LRBA: variants seen among roughly 807,000 people sequenced by gnomAD.
LRBA encodes LPS responsive beige-like anchor protein.
LRBA carries 176 observed loss-of-function variants against 330.0 expected under a neutral mutation model. The ratio of observed to expected loss-of-function variants is 0.53; its 90% CI spans 0.47 to 0.60. The LOEUF (loss-of-function observed/expected upper bound fraction) is 0.60, where lower values mean the gene tolerates loss of function less well. Ranked by LOEUF, LRBA falls within the 20% of genes least tolerant of loss-of-function variation. LRBA has a pLI of 0.00. For missense variants in LRBA, 3,259 were observed against 3,444.8 expected, an observed-to-expected ratio of 0.95 and a Z score of 1.35; for synonymous variants, 1,230 against 1,193.0, an observed-to-expected ratio of 1.03 and a Z score of -0.64.
intron 34 of LRBA, among the ~76,000 whole-genome samples, chr4:150,784,440 C>A (rs566066088): frequency 6.6e-6 from 1 of 152,172 alleles, no homozygotes; most frequent in Non-Finnish European, 1.5e-5. Flanking sequence ...CCCACATGAT[C>A]CTGGCAACAC....
intron 40 of LRBA, among the ~76,000 whole-genome samples, chr4:150,551,892 C>T (rs534670944): frequency 4.3e-4 from 65 of 152,032 alleles, no homozygotes; most frequent in Non-Finnish European, 8.5e-4. Context: ...AATAGCAGTC[C>T]TCAATCATTT....
chr4:150,543,330 C>T (rs907095397), intron 40 of LRBA, among the ~76,000 whole-genome samples: 2 of 152,174 alleles, frequency 1.3e-5, no homozygotes, highest in African/African-American at 4.8e-5. Context: ...CCAGGAATAA[C>T]ATTTCACACT....
At chr4:150,757,699 G>C (rs1373604413) in intron 35 of LRBA, among the ~76,000 whole-genome samples, 2 of 151,974 alleles carry the variant, frequency 1.3e-5, no homozygotes, top group African/African-American at 2.4e-5. Flanking sequence ...TTTATAAAAG[G>C]AAAGCCAAAT....
At chr4:150,865,306 T>C (rs1752527034) in intron 22 of LRBA, among the ~76,000 whole-genome samples, 1 of 152,216 alleles carries the variant, frequency 6.6e-6, no homozygotes, top group Non-Finnish European at 1.5e-5. Flanking sequence ...GTTCCTGTAA[T>C]GAGCCAAATA....
At chr4:150,774,613 A>T (rs1737020901) in intron 34 of LRBA, among the ~76,000 whole-genome samples, 1 of 152,234 alleles carries the variant, frequency 6.6e-6, no homozygotes, top group Non-Finnish European at 1.5e-5. Flanking sequence ...TAATTGCCTC[A>T]TTGAGAAATC....
chr4:150,652,465 C>T (rs934937366), intron 37 of LRBA, among the ~76,000 whole-genome samples: 3 of 151,992 alleles, frequency 2.0e-5, no homozygotes, highest in South Asian at 4.2e-4. Context: ...GTAACATGTT[C>T]CCCCTTTCCT....
chr4:150,270,394 AG>A (rs1745916614), intron 56 of LRBA, among the ~76,000 whole-genome samples: 1 of 152,236 alleles, frequency 6.6e-6, no homozygotes, highest in Admixed American at 6.5e-5. Flanking sequence ...ACGACATGCA[AG>A]AACCTTGAAA....
chr4:150,360,917 G>A (rs1738597333), intron 47 of LRBA, among the ~76,000 whole-genome samples: 1 of 152,114 alleles, frequency 6.6e-6, no homozygotes, highest in Non-Finnish European at 1.5e-5. Context: ...AGGTAAAAGG[G>A]CTAATTCTAC....
intron 40 of LRBA, among the ~76,000 whole-genome samples, chr4:150,516,763 T>C (rs1581556810): frequency 6.6e-6 from 1 of 152,174 alleles, no homozygotes; most frequent in African/African-American, 2.4e-5. Context: ...AAAGTGTATA[T>C]TGTTGGTAGA....
At chr4:150,684,377 A>T (rs1187600749) in intron 36 of LRBA, among the ~76,000 whole-genome samples, 1 of 152,162 alleles carries the variant, frequency 6.6e-6, no homozygotes. Flanking sequence ...AGTCCTAGCA[A>T]AATGTACCAA....
chr4:150,795,510 G>A (rs949928917), intron 34 of LRBA, among the ~76,000 whole-genome samples: 3 of 151,798 alleles, frequency 2.0e-5, no homozygotes, highest in Non-Finnish European at 2.9e-5. Flanking sequence ...TATTCTACAT[G>A]GGATTCAACA....
At chr4:150,501,616 G>T (rs1760282571) in intron 40 of LRBA, among the ~76,000 whole-genome samples, 1 of 151,756 alleles carries the variant, frequency 6.6e-6, no homozygotes, top group Non-Finnish European at 1.5e-5. Context: ...AAAAAAAAAG[G>T]TATCTACAAT....
intron 40 of LRBA, among the ~76,000 whole-genome samples, chr4:150,553,488 C>T (rs72957890): frequency 0.063 from 9,541 of 152,006 alleles, 489 homozygotes; most frequent in East Asian, 0.18. Context: ...AATAACACTC[C>T]CTCACCTGGC....
At chr4:150,651,429 G>A (rs1463409125) in intron 37 of LRBA, among the ~76,000 whole-genome samples, 2 of 152,060 alleles carry the variant, frequency 1.3e-5, no homozygotes, top group South Asian at 4.2e-4. Context: ...TAATGTTGAC[G>A]GATGAAAATA....
At chr4:150,665,191 C>A (rs890664513) in intron 37 of LRBA, among the ~76,000 whole-genome samples, 2 of 152,144 alleles carry the variant, frequency 1.3e-5, no homozygotes, top group African/African-American at 4.8e-5. Context: ...GTCAAAGGAA[C>A]CTTATTTAGA....
intron 56 of LRBA, among the ~76,000 whole-genome samples, chr4:150,276,296 A>G (rs544522171): frequency 1.3e-5 from 2 of 152,350 alleles, no homozygotes; most frequent in Admixed American, 6.5e-5. Flanking sequence ...GATGGATGAA[A>G]GACTTAAACG....
rs1425787812 is a variant in LRBA, at chr4:150,868,197, C to G, written c.2558G>C (p.Ser853Thr). 1 of 1,611,634 alleles carries G rather than the reference C, an allele frequency of 6.2e-7. No individual in the cohort carries two copies. The highest frequency in any genetic ancestry group is 8.5e-7 in the Non-Finnish European group (1 of 1,178,636). ...TTCAGCTTACCTCCTGTTTTCTCTA[C>G]TGTTATTAAAAAGTTTAATCATGTC... ...LSDMIKLFNN[S>T]RENRRSLLQC... Residue 853 changes from serine (S) to threonine (T), a missense_variant, in exon 21 of 57, where the codon AGT becomes ACT. Coordinates refer to ENST00000651943, the MANE Select transcript of LRBA (RefSeq NM_001364905.1).
At chr4:150,673,189 G>A (rs754856396) in intron 37 of LRBA, among the ~76,000 whole-genome samples, 1 of 152,084 alleles carries the variant, frequency 6.6e-6, no homozygotes, top group South Asian at 2.1e-4. Flanking sequence ...ATATATCACT[G>A]TATCAGATAT....
intron 20 of LRBA, 21 bp downstream of exon 20, chr4:150,870,504 T>G: frequency 7.2e-7 from 1 of 1,379,328 alleles, no homozygotes; most frequent in Non-Finnish European, 1.0e-6. Flanking sequence ...TAGTTTTTGT[T>G]AAAGTATATA....
Sources: allele counts gnomAD v4.1 joint callset (sites outside exome capture counted in the v4.1 genomes callset), GRCh38; gene constraint gnomAD v4.1.1; transcripts MANE v1.5; gene names NCBI Gene and HGNC (gene_info 2026-07-23, HGNC 2026-07-21).